The following LRRC4C variants were observed in gnomAD, a reference collection of about 807,000 sequenced individuals.
LRRC4C encodes the protein leucine-rich repeat-containing protein 4C.
Under a neutral mutation model 33.6 loss-of-function variants are expected in LRRC4C, and 5 were observed. That is an observed-to-expected ratio of 0.15 (90% CI 0.08 to 0.31). LRRC4C has a LOEUF of 0.31. LRRC4C is among the 10% of genes least tolerant of loss of function. LRRC4C has a pLI of 1.00. For missense variants in LRRC4C, 560 were observed against 796.7 expected (o/e 0.70, Z 3.58); for synonymous variants, 329 against 302.0 (o/e 1.09, Z -0.93).
chr11:41,348,561 C>T lies in LRRC4C; in HGVS notation c.-496+110870G>A, dbSNP rs150391423. ...CCCTCGGGCGTGAAGCCAAGATGGC[C>T]GACTAGATACAGCCAGGAAGAGCGT... On this transcript the variant is annotated intron_variant, in intron 1 of 6. Coordinates refer to ENST00000528697, the MANE Select transcript of LRRC4C (RefSeq NM_001258419.2). Among the ~76,000 whole-genome samples the T allele has an allele frequency of 2.0e-4, 31 of 151,496 alleles. No individual in the cohort carries two copies. In the East Asian group the frequency reaches 2.6e-3, roughly 13 times the overall value.
intron 6 of LRRC4C, among the ~76,000 whole-genome samples, chr11:40,138,173 T>C (rs1251424469): frequency 6.6e-6 from 1 of 150,832 alleles, no homozygotes; most frequent in Non-Finnish European, 1.5e-5. Context: ...ATTTTTTCTT[T>C]TTTTTTTTTT....
At chr11:40,672,490 A>G (rs1944178094) in intron 2 of LRRC4C, among the ~76,000 whole-genome samples, 3 of 152,188 alleles carry the variant, frequency 2.0e-5, no homozygotes, top group African/African-American at 7.2e-5. Flanking sequence ...TTATTTTCCA[A>G]TTGAGTTCCC....
At chr11:40,273,028 G>C (rs1185041984) in intron 4 of LRRC4C, among the ~76,000 whole-genome samples, 1 of 152,066 alleles carries the variant, frequency 6.6e-6, no homozygotes, top group African/African-American at 2.4e-5. Context: ...GTGATAATGA[G>C]TTTTGCAAAA....
intron 1 of LRRC4C, among the ~76,000 whole-genome samples, chr11:41,082,119 A>T (rs1939620308): frequency 6.6e-6 from 1 of 152,102 alleles, no homozygotes; most frequent in Non-Finnish European, 1.5e-5. Context: ...GCTCTGATTG[A>T]TGTGTGCACC....
chr11:41,084,409 A>G (rs1339021087), intron 1 of LRRC4C, among the ~76,000 whole-genome samples: 1 of 152,188 alleles, frequency 6.6e-6, no homozygotes, highest in African/African-American at 2.4e-5. Context: ...AGAAGATACT[A>G]TATATTAATA....
chr11:40,893,802 T>G (rs1343695028), intron 2 of LRRC4C, among the ~76,000 whole-genome samples: 1 of 140,600 alleles, frequency 7.1e-6, no homozygotes, highest in Non-Finnish European at 1.5e-5. Flanking sequence ...CGAAAAATGT[T>G]TTAGTTACGT....
intron 5 of LRRC4C, among the ~76,000 whole-genome samples, chr11:40,238,493 G>A (rs1027591062): frequency 2.0e-5 from 3 of 152,126 alleles, no homozygotes; most frequent in East Asian, 1.9e-4. Context: ...AGGACAATCA[G>A]AATTCAGAGG....
intron 1 of LRRC4C, among the ~76,000 whole-genome samples, chr11:41,393,307 T>A (rs1953677238): frequency 6.6e-6 from 1 of 151,916 alleles, no homozygotes; most frequent in Non-Finnish European, 1.5e-5. Context: ...TCAATGGATC[T>A]GTGACACCAA....
intron 5 of LRRC4C, among the ~76,000 whole-genome samples, chr11:40,151,756 C>A (rs1337428439): frequency 2.6e-5 from 4 of 152,064 alleles, no homozygotes; most frequent in East Asian, 1.9e-4. Flanking sequence ...GGGGAAGAAA[C>A]AAGGCAACAT....
intron 1 of LRRC4C, among the ~76,000 whole-genome samples, chr11:41,119,417 G>A (rs1376484372): frequency 6.6e-6 from 1 of 152,142 alleles, no homozygotes; most frequent in African/African-American, 2.4e-5. Flanking sequence ...AGAGCTTGCT[G>A]TACTTGAGCA....
At chr11:40,380,100 A>G (rs539093322) in intron 3 of LRRC4C, among the ~76,000 whole-genome samples, 32 of 152,302 alleles carry the variant, frequency 2.1e-4, no homozygotes, top group Non-Finnish European at 4.0e-4. Flanking sequence ...AAGATACAAG[A>G]TTTACATAAA....
At chr11:41,188,904 C>A (rs1193796393) in intron 1 of LRRC4C, among the ~76,000 whole-genome samples, 2 of 123,866 alleles carry the variant, frequency 1.6e-5, no homozygotes, top group African/African-American at 2.9e-5. Flanking sequence ...AGGACCTGCC[C>A]CCCCCCCCAA....
chr11:41,067,479 C>T (rs1938338484), intron 1 of LRRC4C, among the ~76,000 whole-genome samples: 1 of 152,310 alleles, frequency 6.6e-6, no homozygotes, highest in Admixed American at 6.5e-5. Flanking sequence ...AAGACTTTAA[C>T]ACCCGACTGT....
intron 6 of LRRC4C, among the ~76,000 whole-genome samples, chr11:40,133,719 G>GTAAGTAGTC (rs1856798323): frequency 6.6e-6 from 1 of 152,120 alleles, no homozygotes; most frequent in Non-Finnish European, 1.5e-5. Context: ...GTAGATCCTT[G>GTAAGTAGTC]TAAGTAGTCT....
At chr11:40,279,453 G>T (rs1454425570) in intron 4 of LRRC4C, among the ~76,000 whole-genome samples, 1 of 152,056 alleles carries the variant, frequency 6.6e-6, no homozygotes, top group Non-Finnish European at 1.5e-5. Context: ...TAAACAATCT[G>T]CCTATAATTA....
chr11:41,059,466 C>T (rs964845317), intron 1 of LRRC4C, among the ~76,000 whole-genome samples: 21 of 150,474 alleles, frequency 1.4e-4, no homozygotes, highest in Non-Finnish European at 2.5e-4. Context: ...GTAGAGATCT[C>T]CACTTAGGAA....
chr11:40,982,237 C>T (rs1852595666), intron 1 of LRRC4C, among the ~76,000 whole-genome samples: 1 of 152,128 alleles, frequency 6.6e-6, no homozygotes, highest in African/African-American at 2.4e-5. Flanking sequence ...ATGTAAAGTA[C>T]TCTGCTCAAC....
intron 2 of LRRC4C, among the ~76,000 whole-genome samples, chr11:40,912,400 T>A (rs1375132238): frequency 6.6e-6 from 1 of 152,198 alleles, no homozygotes; most frequent in African/African-American, 2.4e-5. Context: ...TTCAACATTC[T>A]TAAAGAAAAG....
intron 2 of LRRC4C, among the ~76,000 whole-genome samples, chr11:40,754,663 T>G (rs2137017845): frequency 6.6e-6 from 1 of 152,240 alleles, no homozygotes; most frequent in Non-Finnish European, 1.5e-5. Flanking sequence ...TATTTATAAT[T>G]ATTTCTTTAT....
Sources: gnomAD v4.1 joint callset for allele counts (sites outside exome capture counted in the v4.1 genomes callset) on GRCh38, gnomAD v4.1.1 for gene constraint, MANE v1.5 for transcripts, NCBI Gene and HGNC (gene_info 2026-07-23, HGNC 2026-07-21) for gene names.